The following SEMA3A variants were observed in gnomAD, a reference collection of about 807,000 sequenced individuals.
SEMA3A encodes semaphorin-3A.
In SEMA3A, 29 loss-of-function variants were observed where a neutral mutation model predicts 97.9. That is an observed-to-expected ratio of 0.30 (90% CI 0.22 to 0.40). The LOEUF (loss-of-function observed/expected upper bound fraction) is 0.40. SEMA3A is among the 10% of genes least tolerant of loss of function. The probability of loss-of-function intolerance (pLI) is 1.00; values close to 1 mark genes in which losing one functional copy is unlikely to be tolerated. For missense variants in SEMA3A, 763 were observed against 951.3 expected, an observed-to-expected ratio of 0.80 and a Z score of 2.60; for synonymous variants, 321 against 323.7, an observed-to-expected ratio of 0.99 and a Z score of 0.09.
chr7:84,217,040 A>G (rs1055480885), intron 3 of SEMA3A, among the ~76,000 whole-genome samples: 1 of 152,216 alleles, frequency 6.6e-6, no homozygotes, highest in South Asian at 2.1e-4. Flanking sequence ...TAAATTATTC[A>G]CCATGTTCAC....
chr7:84,181,036 A>G (rs1037939505), intron 1 of SEMA3A, among the ~76,000 whole-genome samples: 6 of 152,114 alleles, frequency 3.9e-5, no homozygotes, highest in Admixed American at 2.0e-4. Flanking sequence ...TCAGTCTAAC[A>G]AAATATGAAC....
At chr7:84,233,748 T>A (rs1397099138) in intron 3 of SEMA3A, among the ~76,000 whole-genome samples, 5 of 151,890 alleles carry the variant, frequency 3.3e-5, no homozygotes, top group Admixed American at 1.3e-4. Context: ...TTTGACTAAA[T>A]CAAAAGAAAA....
intron 2 of SEMA3A, among the ~76,000 whole-genome samples, chr7:84,134,130 A>C (rs1332981003): frequency 5.3e-5 from 8 of 152,166 alleles, no homozygotes; most frequent in Admixed American, 5.2e-4. Context: ...TATAAAGAAT[A>C]AAGATAGAAC....
intron 15 of SEMA3A, among the ~76,000 whole-genome samples, chr7:83,970,620 T>C (rs947300633): frequency 1.2e-4 from 19 of 152,208 alleles, no homozygotes; most frequent in African/African-American, 4.6e-4. Context: ...TGTTCTACTT[T>C]ATTGTAAGTT....
At chr7:84,011,907 CAAG>C (rs1790895579) in intron 7 of SEMA3A, among the ~76,000 whole-genome samples, 1 of 152,002 alleles carries the variant, frequency 6.6e-6, no homozygotes, top group Non-Finnish European at 1.5e-5. Flanking sequence ...AAGCAAAAAT[CAAG>C]AAGAAGGAAA....
At chr7:84,169,416 A>G (rs1272103678) in intron 1 of SEMA3A, among the ~76,000 whole-genome samples, 2 of 150,602 alleles carry the variant, frequency 1.3e-5, no homozygotes, top group Admixed American at 6.6e-5. Context: ...ATAATCATTT[A>G]TGTATTTAAA....
chr7:84,264,162 A>G (rs984057703), intron 3 of SEMA3A, among the ~76,000 whole-genome samples: 5 of 152,118 alleles, frequency 3.3e-5, no homozygotes, highest in African/African-American at 1.2e-4. Flanking sequence ...TTAAATGCTT[A>G]TAAGTCTGTC....
At chr7:84,413,920 C>A (rs1176720601) in intron 1 of SEMA3A, among the ~76,000 whole-genome samples, 1 of 152,140 alleles carries the variant, frequency 6.6e-6, no homozygotes, top group African/African-American at 2.4e-5. Context: ...ATCCTCAAAG[C>A]AGTCCTATGC....
intron 3 of SEMA3A, among the ~76,000 whole-genome samples, chr7:84,255,573 C>G (rs1361325036): frequency 2.6e-5 from 4 of 152,108 alleles, no homozygotes; most frequent in Non-Finnish European, 4.4e-5. Flanking sequence ...TTTCTGGAGT[C>G]TACATTCTCC....
chr7:84,323,628 T>C (rs1801705310), intron 2 of SEMA3A, among the ~76,000 whole-genome samples: 1 of 152,110 alleles, frequency 6.6e-6, no homozygotes, highest in South Asian at 2.1e-4. Context: ...AATGCTTCCA[T>C]GCTAAATATG....
chr7:84,329,135 A>G (rs1036090352), intron 2 of SEMA3A, among the ~76,000 whole-genome samples: 1 of 151,990 alleles, frequency 6.6e-6, no homozygotes, highest in Admixed American at 6.6e-5. Context: ...GCATCAAGCA[A>G]ACGGGGATGT....
At chr7:84,056,866 C>G (rs1793004238) in intron 5 of SEMA3A, among the ~76,000 whole-genome samples, 1 of 152,182 alleles carries the variant, frequency 6.6e-6, no homozygotes, top group Admixed American at 6.5e-5. Context: ...GCAACTACTG[C>G]TGCAAGTTTG....
intron 2 of SEMA3A, among the ~76,000 whole-genome samples, chr7:84,332,417 A>T (rs976572942): frequency 6.6e-6 from 1 of 152,150 alleles, no homozygotes; most frequent in African/African-American, 2.4e-5. Context: ...AGATGTTCTT[A>T]ATTCTACGAA....
intron 6 of SEMA3A, among the ~76,000 whole-genome samples, chr7:84,034,990 A>G (rs911307139): frequency 6.6e-6 from 1 of 152,126 alleles, no homozygotes; most frequent in East Asian, 1.9e-4. Flanking sequence ...TTTACTTTCT[A>G]GTGGAACTAC....
At chr7:84,273,830 GTTTCT>G (rs1465730245) in intron 3 of SEMA3A, among the ~76,000 whole-genome samples, 4 of 151,708 alleles carry the variant, frequency 2.6e-5, no homozygotes, top group African/African-American at 9.7e-5. Flanking sequence ...ACAATCCTAC[GTTTCT>G]TTTATTTCCA....
rs10523978 is a variant in SEMA3A, at chr7:84,429,516, T to TTATATATATATATATATA, written c.-245-57634_-245-57617dup. Among the ~76,000 whole-genome samples, 701 of 72,128 alleles carry TTATATATATATATATATA rather than the reference T, an allele frequency of 9.7e-3. 13 individuals carry two copies. Among genetic ancestry groups the TTATATATATATATATATA allele is most frequent in the East Asian group, 0.021 (42 of 1,956 alleles). 47.3% of individuals were successfully genotyped at this position (72,128 alleles called of 152,430 possible). ...TTGCATTAGTAAAATATAGAGTTTG[T>TTATATATATATATATATA]TATATATATATATATATATATATAT... On this transcript the variant is annotated intron_variant, in intron 1 of 3. Coordinates refer to the SEMA3A transcript ENST00000424555.
intron 1 of SEMA3A, among the ~76,000 whole-genome samples, chr7:84,400,845 A>G (rs1236082977): frequency 6.6e-6 from 1 of 152,222 alleles, no homozygotes; most frequent in Admixed American, 6.5e-5. Flanking sequence ...AAAGCTCTCA[A>G]CAAACTGGGT....
At chr7:84,333,759 A>G (rs1416051878) in intron 2 of SEMA3A, among the ~76,000 whole-genome samples, 1 of 152,206 alleles carries the variant, frequency 6.6e-6, no homozygotes, top group Admixed American at 6.6e-5. Context: ...TTTATCCAAG[A>G]CATATGCTAT....
intron 3 of SEMA3A, among the ~76,000 whole-genome samples, chr7:84,220,006 A>G (rs1466148056): frequency 6.6e-6 from 1 of 152,138 alleles, no homozygotes; most frequent in Non-Finnish European, 1.5e-5. Context: ...TCTCCCTTTC[A>G]TGAATAATTT....
Sources: allele counts gnomAD v4.1 joint callset (sites outside exome capture counted in the v4.1 genomes callset), GRCh38; gene constraint gnomAD v4.1.1; transcripts MANE v1.5; gene names NCBI Gene and HGNC (gene_info 2026-07-23, HGNC 2026-07-21).